Variants in TLCD4 observed in about 807,000 individuals in gnomAD.
TLCD4 encodes the protein TLC domain-containing protein 4.
In TLCD4, 7 loss-of-function variants were observed where a neutral mutation model predicts 24.2. The ratio of observed to expected loss-of-function variants is 0.29; its 90% CI spans 0.16 to 0.54. The LOEUF (loss-of-function observed/expected upper bound fraction) is 0.54. TLCD4 is among the 20% of genes least tolerant of loss of function. The pLI, the probability that TLCD4 is intolerant of heterozygous loss-of-function variation, is 0.95. For synonymous variants in TLCD4, 103 were observed against 106.4 expected (o/e 0.97, Z 0.20); for missense variants, 259 against 313.9 (o/e 0.82, Z 1.32).
At chr1:95,130,425 C>G (rs890271583) in intron 1 of TLCD4, among the ~76,000 whole-genome samples, 1 of 152,084 alleles carries the variant, frequency 6.6e-6, no homozygotes, top group Non-Finnish European at 1.5e-5. Context: ...GTGCTGAGAT[C>G]ACAGGCATGA....
the TLCD4 span, among the ~76,000 whole-genome samples, chr1:95,109,685 C>G: frequency 2.5e-3 from 378 of 151,492 alleles, 4 homozygotes; most frequent in African/African-American, 8.6e-3. Flanking sequence ...GACGGGGTTT[C>G]ACCATGTTGG....
intron 6 of TLCD4, among the ~76,000 whole-genome samples, chr1:95,175,626 A>G (rs1271331394): frequency 6.6e-6 from 1 of 152,188 alleles, no homozygotes; most frequent in African/African-American, 2.4e-5. Flanking sequence ...TCCATAATGC[A>G]TACATCTTTT....
At chr1:95,144,966 C>T (rs1386173160) in intron 2 of TLCD4, among the ~76,000 whole-genome samples, 3 of 152,206 alleles carry the variant, frequency 2.0e-5, no homozygotes, top group African/African-American at 4.8e-5. Context: ...GCTGGGATTA[C>T]AGGCATGAGC....
chr1:95,140,369 A>G (rs1677164478), intron 1 of TLCD4, among the ~76,000 whole-genome samples: 1 of 152,164 alleles, frequency 6.6e-6, no homozygotes, highest in Non-Finnish European at 1.5e-5. Flanking sequence ...TTTCAGCTCC[A>G]TTATAATCTT....
chr1:95,158,597 G>T (rs571741828), intron 5 of TLCD4, among the ~76,000 whole-genome samples: 1 of 151,976 alleles, frequency 6.6e-6, no homozygotes, highest in South Asian at 2.1e-4. Context: ...TCATGTTGGT[G>T]TGCTGCACCC....
chr1:95,148,531 G>A (rs1278478477), intron 2 of TLCD4, among the ~76,000 whole-genome samples, 171 bp from the exon 3 acceptor site: 1 of 152,132 alleles, frequency 6.6e-6, no homozygotes, highest in East Asian at 1.9e-4. Flanking sequence ...TGTGGCCTTT[G>A]GATTTCTAAA....
intron 5 of TLCD4, among the ~76,000 whole-genome samples, chr1:95,169,099 T>C (rs1176768757): frequency 1.3e-5 from 2 of 152,240 alleles, no homozygotes; most frequent in Non-Finnish European, 2.9e-5. Flanking sequence ...CGCTGGCTAT[T>C]TCTAGACTAG....
intron 6 of TLCD4, among the ~76,000 whole-genome samples, chr1:95,190,790 G>A (rs891086138): frequency 6.6e-6 from 1 of 152,174 alleles, no homozygotes; most frequent in African/African-American, 2.4e-5. Flanking sequence ...TTCTGATGAG[G>A]TTTTTGTTAT....
At chr1:95,188,959 G>A (rs1678931378) in intron 6 of TLCD4, among the ~76,000 whole-genome samples, 1 of 152,100 alleles carries the variant, frequency 6.6e-6, no homozygotes, top group Non-Finnish European at 1.5e-5. Flanking sequence ...GAAATATGCT[G>A]ACCTGTGTGT....
At position 95,148,690 on chromosome 1, in the gene TLCD4, G is replaced by T. The variant is rs1677412862; in HGVS notation, c.156-12G>T. ...AATCTAAAATCTTTGTGTGTATTTT[G>T]TTTAATTTCAGGGTAGTATCCACAT... On this transcript the variant is annotated splice_polypyrimidine_tract_variant and intron_variant, in intron 2 of 6. Transcript: ENST00000370203. The T allele has an allele frequency of 1.9e-6, 3 of 1,611,726 alleles. No homozygotes were observed. The highest frequency in any genetic ancestry group is 1.7e-5 in the Admixed American group (1 of 59,472).
intron 5 of TLCD4, among the ~76,000 whole-genome samples, chr1:95,160,302 CTG>C (rs2100963406): frequency 6.6e-6 from 1 of 152,230 alleles, no homozygotes; most frequent in East Asian, 1.9e-4. Flanking sequence ...ATTTGGTTCT[CTG>C]TTTGTCTGTT....
intron 6 of TLCD4, among the ~76,000 whole-genome samples, chr1:95,181,311 G>A (rs1048400005): frequency 1.3e-5 from 2 of 152,092 alleles, no homozygotes; most frequent in African/African-American, 4.8e-5. Flanking sequence ...TCTGTTTTCA[G>A]TCTGTTGTGA....
At chr1:95,108,388 GT>G in the TLCD4 span, among the ~76,000 whole-genome samples, 1 of 151,842 alleles carries the variant, frequency 6.6e-6, no homozygotes, top group South Asian at 2.1e-4. Context: ...GCATTTTTTT[GT>G]TTTTGTTTCT....
At chr1:95,110,460 G>T in the TLCD4 span, among the ~76,000 whole-genome samples, 1 of 151,912 alleles carries the variant, frequency 6.6e-6, no homozygotes, top group African/African-American at 2.4e-5. Flanking sequence ...CAACAATAAG[G>T]GATTGGTTAA....
At chr1:95,118,818 A>T (rs986818645) in intron 1 of TLCD4, among the ~76,000 whole-genome samples, 8 of 152,224 alleles carry the variant, frequency 5.3e-5, no homozygotes, top group African/African-American at 1.2e-4. Flanking sequence ...GAAATTAGAA[A>T]AGTGTATTCC....
intron 1 of TLCD4, among the ~76,000 whole-genome samples, chr1:95,132,914 A>G (rs1223923508): frequency 3.3e-5 from 5 of 152,168 alleles, no homozygotes; most frequent in Non-Finnish European, 5.9e-5. Context: ...AAAGCTGCAC[A>G]TAGCAGTCAT....
At chr1:95,136,333 G>A (rs1677040894) in intron 1 of TLCD4, among the ~76,000 whole-genome samples, 1 of 152,110 alleles carries the variant, frequency 6.6e-6, no homozygotes, top group South Asian at 2.1e-4. Flanking sequence ...TGTGTGTATG[G>A]CTATTATGCC....
At chr1:95,169,904 A>G (rs2100983736) in intron 5 of TLCD4, among the ~76,000 whole-genome samples, 1 of 152,290 alleles carries the variant, frequency 6.6e-6, no homozygotes, top group South Asian at 2.1e-4. Context: ...TAGTATTTTG[A>G]TATTTTACAT....
rs1352467486 is a variant in TLCD4, at chr1:95,191,953, T to C, written c.*85T>C. On this transcript the variant is annotated 3_prime_UTR_variant, in exon 7 of 7. Coordinates refer to ENST00000370203, the MANE Select transcript of TLCD4 (RefSeq NM_152487.3). ...TTCTTGGCATGTTCTTGTGTACCTT[T>C]CTTAATTATAATTGTTATTCAGGAT... is the stretch of plus-strand genomic sequence containing the variant. 1 of 1,493,724 alleles carries C rather than the reference T, an allele frequency of 6.7e-7. No individual in the cohort carries two copies. The highest frequency in any genetic ancestry group is 8.9e-7 in the Non-Finnish European group (1 of 1,129,304). The allele number at this position is 1,493,724 out of a possible 1,614,324, so 92.5% of individuals were successfully genotyped here.
Sources: gnomAD v4.1 joint callset for allele counts (sites outside exome capture counted in the v4.1 genomes callset) on GRCh38, gnomAD v4.1.1 for gene constraint, MANE v1.5 for transcripts, NCBI Gene and HGNC (gene_info 2026-07-23, HGNC 2026-07-21) for gene names.